The following MACROD2 variants were observed in gnomAD, a reference collection of about 807,000 sequenced individuals.
MACROD2 encodes the protein mono-ADP ribosylhydrolase 2, also known as ADP-ribose glycohydrolase MACROD2.
Under a neutral mutation model 70.4 loss-of-function variants are expected in MACROD2, and 36 were observed. The ratio of observed to expected loss-of-function variants is 0.51; its 90% confidence interval spans 0.39 to 0.68. The LOEUF (loss-of-function observed/expected upper bound fraction) is 0.68. MACROD2 is among the 30% of genes least tolerant of loss of function. The pLI, the probability that MACROD2 is intolerant of heterozygous loss-of-function variation, is 0.00. For missense variants in MACROD2, 496 were observed against 538.4 expected, an observed-to-expected ratio of 0.92 and a Z score of 0.78; for synonymous variants, 172 against 178.8, an observed-to-expected ratio of 0.96 and a Z score of 0.30.
At chr20:15,368,353 G>T (rs188330158) in intron 6 of MACROD2, among the ~76,000 whole-genome samples, 146 of 151,866 alleles carry the variant, frequency 9.6e-4, no homozygotes, top group African/African-American at 3.4e-3. Context: ...TTTCTGAGAA[G>T]TTCCTTAGGG....
At chr20:15,085,668 C>T (rs544646470) in intron 5 of MACROD2, among the ~76,000 whole-genome samples, 1 of 152,076 alleles carries the variant, frequency 6.6e-6, no homozygotes, top group African/African-American at 2.4e-5. Flanking sequence ...TAGCATAATA[C>T]TTGTATATCC....
At chr20:15,535,988 G>C (rs1245458511) in intron 8 of MACROD2, among the ~76,000 whole-genome samples, 3 of 152,048 alleles carry the variant, frequency 2.0e-5, no homozygotes, top group Non-Finnish European at 4.4e-5. Flanking sequence ...AGTAATTTGA[G>C]GTGTCACAGT....
At chr20:14,636,893 G>C (rs573490102) in intron 4 of MACROD2, among the ~76,000 whole-genome samples, 1 of 152,062 alleles carries the variant, frequency 6.6e-6, no homozygotes, top group African/African-American at 2.4e-5. Flanking sequence ...TGATACTGAC[G>C]GAGTCTGTTT....
chr20:14,086,431 T>G (rs889112666), intron 3 of MACROD2, among the ~76,000 whole-genome samples: 8 of 152,244 alleles, frequency 5.3e-5, no homozygotes, highest in African/African-American at 1.7e-4. Context: ...TTAGGCTGTT[T>G]GAAGTTTGCA....
intron 8 of MACROD2, among the ~76,000 whole-genome samples, chr20:15,800,824 T>C (rs2063717794): frequency 6.6e-6 from 1 of 151,914 alleles, no homozygotes. Flanking sequence ...ATGGGAGACT[T>C]TTCATTTTGT....
intron 10 of MACROD2, among the ~76,000 whole-genome samples, chr20:15,914,527 G>T (rs556590010): frequency 6.6e-6 from 1 of 152,236 alleles, no homozygotes; most frequent in East Asian, 1.9e-4. Flanking sequence ...TCAGTATTTG[G>T]GGTGAGGATT....
At chr20:14,726,147 T>C (rs948279337) in intron 5 of MACROD2, among the ~76,000 whole-genome samples, 2 of 152,208 alleles carry the variant, frequency 1.3e-5, no homozygotes, top group African/African-American at 2.4e-5. Flanking sequence ...TATTAACCAA[T>C]GGCTCAGTAA....
intron 5 of MACROD2, among the ~76,000 whole-genome samples, chr20:15,225,012 T>G (rs1340320301): frequency 2.0e-5 from 3 of 151,470 alleles, no homozygotes; most frequent in Non-Finnish European, 4.4e-5. Context: ...CACTTTAATA[T>G]GTAAACTGAT....
Position 15,967,630 on chromosome 20 carries a change from G to A in MACROD2, c.985G>A (p.Gly329Arg). 3 of 1,583,934 alleles carry A rather than the reference G, an allele frequency of 1.9e-6. No individual in the cohort carries two copies. The highest frequency in any genetic ancestry group is 2.6e-6 in the Non-Finnish European group (3 of 1,165,232). Reference protein sequence around the residue: ...HSVRDQDHPDGQENDSTKNEI... With the variant: ...HSVRDQDHPDRQENDSTKNEI... ...TGTGCGTGACCAAGATCATCCCGAT[G>A]GTAGGTTGTGAAATCCTTTATTAGA... The change falls in exon 13 of 18, where the codon GGA becomes AGA. Residue 329 changes from glycine to arginine, a missense_variant and splice_region_variant. Coordinates refer to ENST00000684519, the MANE Select transcript of MACROD2 (RefSeq NM_001351661.2).
At chr20:14,860,502 C>A (rs1179829108) in intron 5 of MACROD2, among the ~76,000 whole-genome samples, 1 of 152,008 alleles carries the variant, frequency 6.6e-6, no homozygotes, top group Non-Finnish European at 1.5e-5. Flanking sequence ...CAGAAAACAC[C>A]GCTGCACCTC....
At position 15,140,237 on chromosome 20, in the gene MACROD2, A is replaced by G. The variant is rs532713997; in HGVS notation, c.419-89703A>G. Among the ~76,000 whole-genome samples, 11 of 152,280 alleles carry G rather than the reference A, an allele frequency of 7.2e-5. No individual in the cohort carries two copies. The East Asian group carries it at 2.1e-3, about 29-fold the overall frequency. ...CCTTTTTCCCTCCCAAGAGTTTCCC[A>G]GTCATGCCAGCATAAGAACTTTTCC... On this transcript the variant is annotated intron_variant, in intron 5 of 17. Coordinates refer to ENST00000684519, the MANE Select transcript of MACROD2 (RefSeq NM_001351661.2).
At chr20:14,643,841 G>A (rs1985226092) in intron 4 of MACROD2, among the ~76,000 whole-genome samples, 1 of 152,110 alleles carries the variant, frequency 6.6e-6, no homozygotes. Flanking sequence ...ATAAAGATTT[G>A]TTGAATGAAT....
intron 11 of MACROD2, among the ~76,000 whole-genome samples, chr20:15,935,028 T>G (rs1323777227): frequency 6.6e-6 from 1 of 152,008 alleles, no homozygotes; most frequent in African/African-American, 2.4e-5. Context: ...TCCATCCCTG[T>G]ACATACATGT....
intron 5 of MACROD2, among the ~76,000 whole-genome samples, chr20:14,707,104 T>C (rs2071278509): frequency 6.6e-6 from 1 of 152,186 alleles, no homozygotes; most frequent in Admixed American, 6.5e-5. Flanking sequence ...TAAAATTGTT[T>C]ACTCCTCTCT....
In MACROD2 at chr20:15,467,299, G is replaced by T. The variant is rs2046905722; in HGVS notation, c.572-32475G>T. Among the ~76,000 whole-genome samples the T allele has an allele frequency of 2.0e-5, 3 of 152,246 alleles. No homozygotes were observed. In the South Asian group the frequency reaches 6.2e-4, roughly 31 times the overall value. ...TCCCAAAGTTTCCCAGTGGGCTGTAGCCCTAGCTGTCCACAGTGGCAACTG... is the reference window on the plus strand; with the variant it reads ...TCCCAAAGTTTCCCAGTGGGCTGTATCCCTAGCTGTCCACAGTGGCAACTG... On this transcript the variant is annotated intron_variant, in intron 7 of 17. Coordinates refer to ENST00000684519, the MANE Select transcript of MACROD2 (RefSeq NM_001351661.2).
chr20:15,063,498 C>G (rs970959463), intron 5 of MACROD2, among the ~76,000 whole-genome samples: 1 of 152,200 alleles, frequency 6.6e-6, no homozygotes, highest in African/African-American at 2.4e-5. Flanking sequence ...GAATCAGGCT[C>G]TTTGTCCTTT....
chr20:14,648,621 C>CATATAT (rs753035871), intron 4 of MACROD2, among the ~76,000 whole-genome samples: 44 of 148,816 alleles, frequency 3.0e-4, no homozygotes, highest in Middle Eastern at 7.0e-3. Flanking sequence ...TTTATTTAAA[C>CATATAT]ATATATATAT....
chr20:15,616,283 T>C (rs1269315891), intron 8 of MACROD2, among the ~76,000 whole-genome samples: 1 of 152,032 alleles, frequency 6.6e-6, no homozygotes. Flanking sequence ...TTTGTATTTT[T>C]AGTAGAGACA....
chr20:15,889,003 A>G (rs914583277), intron 10 of MACROD2, among the ~76,000 whole-genome samples: 9 of 152,168 alleles, frequency 5.9e-5, no homozygotes, highest in Non-Finnish European at 8.8e-5. Context: ...TACAAATGCA[A>G]CCGACACTAA....
Sources: allele counts gnomAD v4.1 joint callset (sites outside exome capture counted in the v4.1 genomes callset), GRCh38; gene constraint gnomAD v4.1.1; transcripts MANE v1.5; gene names NCBI Gene and HGNC (gene_info 2026-07-23, HGNC 2026-07-21).